DACH1: variants seen among roughly 807,000 people sequenced by gnomAD.
The protein encoded by DACH1 is dachshund family transcription factor 1, also known as dachshund homolog 1.
DACH1 carries 12 observed loss-of-function variants against 54.2 expected under a neutral mutation model. That is an observed-to-expected ratio of 0.22 (90% confidence interval 0.14 to 0.36). The LOEUF (loss-of-function observed/expected upper bound fraction) is 0.36. Ranked by LOEUF, DACH1 falls within the 10% of genes least tolerant of loss-of-function variation. DACH1 has a pLI of 1.00. For missense variants in DACH1, 805 were observed against 929.8 expected (o/e 0.87, Z 1.75); for synonymous variants, 386 against 366.2 (o/e 1.05, Z -0.62).
At chr13:71,683,675 A>C (rs1308352238) in intron 1 of DACH1, among the ~76,000 whole-genome samples, 2 of 152,062 alleles carry the variant, frequency 1.3e-5, no homozygotes, top group Non-Finnish European at 2.9e-5. Flanking sequence ...TCTTATTATT[A>C]CTTTCTCATG....
chr13:71,446,631 T>C (rs796104391), intron 10 of DACH1, among the ~76,000 whole-genome samples: 9 of 152,296 alleles, frequency 5.9e-5, no homozygotes, highest in African/African-American at 2.2e-4. Flanking sequence ...CTCTATCACT[T>C]TTCCTCTAAT....
chr13:71,558,696 G>A (rs1354530993), intron 5 of DACH1, among the ~76,000 whole-genome samples: 1 of 151,886 alleles, frequency 6.6e-6, no homozygotes, highest in East Asian at 1.9e-4. Flanking sequence ...CAAAATTAAG[G>A]AAATACGTTT....
intron 1 of DACH1, among the ~76,000 whole-genome samples, chr13:71,754,964 G>T (rs1885084080): frequency 6.6e-6 from 1 of 152,060 alleles, no homozygotes; most frequent in South Asian, 2.1e-4. Context: ...CCGGGGCCGG[G>T]GGGAAATCAT....
chr13:71,478,822 G>A (rs1483113361), intron 8 of DACH1, among the ~76,000 whole-genome samples: 1 of 152,092 alleles, frequency 6.6e-6, no homozygotes, highest in Non-Finnish European at 1.5e-5. Flanking sequence ...TTTAACTCAA[G>A]TTTTTCAAAG....
chr13:71,864,180 T>TACATACACACACAC (rs376768051), intron 1 of DACH1, among the ~76,000 whole-genome samples: 1 of 108,426 alleles, frequency 9.2e-6, no homozygotes, highest in South Asian at 3.3e-4. Context: ...CGCGCGCACA[T>TACATACACACACAC]ACACACACAC....
At position 71,502,391 on chromosome 13, in the gene DACH1, T is replaced by C. The variant is rs1475241747; in HGVS notation, c.1571-13243A>G. Among the ~76,000 whole-genome samples, 20 of 152,190 alleles carry C rather than the reference T, an allele frequency of 1.3e-4. 2 individuals carry two copies. Among genetic ancestry groups the C allele is most frequent in the Admixed American group, 1.3e-3 (20 of 15,270 alleles). Reference sequence around the variant, plus strand: ...GTGGACATTTAATATCAAGTTTAACTTTAGGTAGCTTATGCAGAATATCTC... The same window carrying C: ...GTGGACATTTAATATCAAGTTTAACCTTAGGTAGCTTATGCAGAATATCTC... On this transcript the variant is annotated intron_variant, in intron 6 of 10. Coordinates refer to ENST00000613252, the MANE Select transcript of DACH1 (RefSeq NM_080759.6).
At chr13:71,563,778 T>C (rs1884739048) in intron 4 of DACH1, among the ~76,000 whole-genome samples, 1 of 151,602 alleles carries the variant, frequency 6.6e-6, no homozygotes, top group African/African-American at 2.4e-5. Context: ...TAGTTTTTGC[T>C]TTAATTGTAG....
chr13:71,608,542 T>A (rs1402992893), intron 3 of DACH1, among the ~76,000 whole-genome samples: 1 of 152,044 alleles, frequency 6.6e-6, no homozygotes, highest in Non-Finnish European at 1.5e-5. Flanking sequence ...TTCTTAAAAA[T>A]AAACTTTACT....
chr13:71,551,709 G>A (rs991484568), intron 6 of DACH1, among the ~76,000 whole-genome samples: 1 of 151,948 alleles, frequency 6.6e-6, no homozygotes, highest in African/African-American at 2.4e-5. Flanking sequence ...CCAAAAACTT[G>A]AATAAAGTGA....
At chr13:71,542,433 T>A (rs764330470) in intron 6 of DACH1, among the ~76,000 whole-genome samples, 6 of 152,158 alleles carry the variant, frequency 3.9e-5, no homozygotes, top group Admixed American at 6.6e-5. Flanking sequence ...ACAGGCTGTT[T>A]CTTCATTTCA....
chr13:71,729,819 T>C (rs1360789395), intron 1 of DACH1, among the ~76,000 whole-genome samples: 2 of 152,050 alleles, frequency 1.3e-5, no homozygotes, highest in African/African-American at 4.8e-5. Flanking sequence ...TACAAGGCCA[T>C]AAAGCAGAAT....
chr13:71,850,219 C>G (rs1873568996), intron 1 of DACH1, among the ~76,000 whole-genome samples: 1 of 152,214 alleles, frequency 6.6e-6, no homozygotes, highest in Non-Finnish European at 1.5e-5. Context: ...CTACTGATTA[C>G]TGGCTACCTC....
intron 1 of DACH1, among the ~76,000 whole-genome samples, chr13:71,714,957 C>T (rs1882899084): frequency 6.6e-6 from 1 of 151,900 alleles, no homozygotes; most frequent in Non-Finnish European, 1.5e-5. Flanking sequence ...TGTGACTTAA[C>T]TGAGAAAAAA....
chr13:71,630,540 C>G lies in DACH1; in HGVS notation c.1126+16G>C. 1 of 1,565,626 alleles carries G rather than the reference C, an allele frequency of 6.4e-7. No individual in the cohort carries two copies. The highest frequency in any genetic ancestry group is 8.6e-7 in the Non-Finnish European group (1 of 1,160,888). On this transcript the variant is annotated intron_variant, in intron 3 of 10. Transcript: ENST00000613252. ...GCAAAGTGATCACAATAAGTTTCAG[C>G]GAACATAAAACTTACCGACACTTGA...
chr13:71,589,571 T>C (rs1274534788), intron 3 of DACH1, among the ~76,000 whole-genome samples: 13 of 151,906 alleles, frequency 8.6e-5, no homozygotes, highest in Admixed American at 8.5e-4. Flanking sequence ...ACTCTAGGAG[T>C]GAAGCTAATC....
intron 1 of DACH1, among the ~76,000 whole-genome samples, chr13:71,689,310 T>A (rs991516988): frequency 1.3e-5 from 2 of 152,090 alleles, no homozygotes; most frequent in African/African-American, 4.8e-5. Context: ...TGGTTACCAT[T>A]ATCTATTAAT....
chr13:71,784,128 G>A (rs764622085), intron 1 of DACH1, among the ~76,000 whole-genome samples: 1 of 152,036 alleles, frequency 6.6e-6, no homozygotes, highest in Non-Finnish European at 1.5e-5. Flanking sequence ...TAGCACAACA[G>A]TTGGATTTGT....
At chr13:71,561,215 G>A (rs1438848761) in intron 4 of DACH1, among the ~76,000 whole-genome samples, 1 of 152,084 alleles carries the variant, frequency 6.6e-6, no homozygotes, top group Non-Finnish European at 1.5e-5. Flanking sequence ...ATGCGCTTAT[G>A]CTTGAGTTTC....
chr13:71,453,502 T>G (rs929186128), intron 10 of DACH1, among the ~76,000 whole-genome samples: 10 of 152,090 alleles, frequency 6.6e-5, no homozygotes, highest in African/African-American at 2.4e-4. Flanking sequence ...ATGTGTTATC[T>G]CTAAGAAAAA....
Sources: gnomAD v4.1 joint callset for allele counts (sites outside exome capture counted in the v4.1 genomes callset) on GRCh38, gnomAD v4.1.1 for gene constraint, MANE v1.5 for transcripts, NCBI Gene and HGNC (gene_info 2026-07-23, HGNC 2026-07-21) for gene names.